Variants in SPOCK3 observed in about 807,000 individuals in gnomAD.
The protein encoded by SPOCK3 is testican-3.
In SPOCK3, 30 loss-of-function variants were observed where a neutral mutation model predicts 56.6. The observed-to-expected ratio is 0.53, with a 90% CI of 0.40 to 0.72. The LOEUF is 0.72. Among genes scored for constraint, SPOCK3 ranks in the 30% least tolerant of loss-of-function variants. SPOCK3 has a pLI of 0.00. For synonymous variants in SPOCK3, 196 were observed against 183.3 expected, an observed-to-expected ratio of 1.07 and a Z score of -0.56; for missense variants, 527 against 530.0, an observed-to-expected ratio of 0.99 and a Z score of 0.06.
At chr4:167,122,857 C>T (rs1761976488) in intron 2 of SPOCK3, among the ~76,000 whole-genome samples, 1 of 151,872 alleles carries the variant, frequency 6.6e-6, no homozygotes. Context: ...ATTTACCCAC[C>T]TTTGCAATCT....
chr4:166,746,321 CTCA>C (rs1452438691), intron 8 of SPOCK3, among the ~76,000 whole-genome samples: 1 of 152,182 alleles, frequency 6.6e-6, no homozygotes, highest in Non-Finnish European at 1.5e-5. Flanking sequence ...CAAATTAGAA[CTCA>C]GGATTAAGAA....
intron 6 of SPOCK3, among the ~76,000 whole-genome samples, chr4:166,826,376 G>A (rs1745483004): frequency 6.6e-6 from 1 of 151,836 alleles, no homozygotes; most frequent in Admixed American, 6.6e-5. Context: ...ATAAAATAAT[G>A]GTGCATCATC....
At chr4:166,754,774 C>T (rs1186824156) in intron 7 of SPOCK3, 45 bp from the exon 8 acceptor site, 4 of 1,596,242 alleles carry the variant, frequency 2.5e-6, no homozygotes, top group Non-Finnish European at 3.4e-6. Context: ...ATGAAAGACA[C>T]CATTAGCAGA....
chr4:167,203,231 T>C (rs1733691637), intron 2 of SPOCK3, among the ~76,000 whole-genome samples: 1 of 152,050 alleles, frequency 6.6e-6, no homozygotes, highest in South Asian at 2.1e-4. Context: ...AAAAATTGTA[T>C]GTATTAGAAA....
At chr4:166,946,412 G>A (rs941580176) in intron 4 of SPOCK3, among the ~76,000 whole-genome samples, 1 of 152,178 alleles carries the variant, frequency 6.6e-6, no homozygotes. Flanking sequence ...CCCAGGCTCA[G>A]CCTGCTCCTG....
At chr4:166,844,050 G>A (rs1016131586) in intron 6 of SPOCK3, among the ~76,000 whole-genome samples, 7 of 152,134 alleles carry the variant, frequency 4.6e-5, no homozygotes, top group Middle Eastern at 3.2e-3. Context: ...AAGCATAAAC[G>A]CAATGTGGGC....
intron 2 of SPOCK3, among the ~76,000 whole-genome samples, chr4:167,155,647 C>G (rs1764752724): frequency 6.6e-6 from 1 of 152,044 alleles, no homozygotes; most frequent in Non-Finnish European, 1.5e-5. Flanking sequence ...TTTGAAATCA[C>G]TGGGCAGAGA....
intron 6 of SPOCK3, among the ~76,000 whole-genome samples, chr4:166,866,291 TA>T (rs1200490652): frequency 6.6e-6 from 1 of 152,118 alleles, no homozygotes; most frequent in African/African-American, 2.4e-5. Flanking sequence ...CAAGATGGAT[TA>T]AAGACTTAAG....
chr4:166,916,022 A>C (rs2127112687), intron 4 of SPOCK3, among the ~76,000 whole-genome samples: 1 of 152,280 alleles, frequency 6.6e-6, no homozygotes, highest in Admixed American at 6.5e-5. Flanking sequence ...TTTTCAAAAA[A>C]ATATTCAATT....
chr4:166,868,810 G>A (rs558291539), intron 6 of SPOCK3, among the ~76,000 whole-genome samples: 43 of 152,034 alleles, frequency 2.8e-4, no homozygotes, highest in African/African-American at 1.0e-3. Flanking sequence ...TTGGAATCAG[G>A]GCCTATTTAA....
At chr4:166,868,356 A>G (rs1009614155) in intron 6 of SPOCK3, among the ~76,000 whole-genome samples, 6 of 151,598 alleles carry the variant, frequency 4.0e-5, no homozygotes, top group African/African-American at 1.5e-4. Context: ...GCTAATCAGG[A>G]GGCTGGGGTG....
chr4:166,937,203 C>A (rs1408160673), intron 4 of SPOCK3, among the ~76,000 whole-genome samples: 1 of 151,648 alleles, frequency 6.6e-6, no homozygotes, highest in African/African-American at 2.4e-5. Flanking sequence ...GCAGCAGAAA[C>A]CATAACTTCA....
At chr4:167,138,463 A>G (rs1763287643) in intron 2 of SPOCK3, among the ~76,000 whole-genome samples, 1 of 151,952 alleles carries the variant, frequency 6.6e-6, no homozygotes, top group African/African-American at 2.4e-5. Context: ...ATGAAAAACA[A>G]TAATTAGATA....
chr4:166,785,410 C>G (rs1740629449), intron 7 of SPOCK3, among the ~76,000 whole-genome samples: 1 of 151,884 alleles, frequency 6.6e-6, no homozygotes, highest in Non-Finnish European at 1.5e-5. Context: ...TTACACTGTC[C>G]AAGATTCAAG....
intron 5 of SPOCK3, among the ~76,000 whole-genome samples, chr4:166,899,757 C>T (rs186010230): frequency 2.8e-4 from 43 of 152,106 alleles, no homozygotes; most frequent in Admixed American, 1.5e-3. Flanking sequence ...CCTCATGACC[C>T]GCCTGCCTCA....
At chr4:166,885,046 A>G (rs1349976800) in intron 6 of SPOCK3, among the ~76,000 whole-genome samples, 2 of 152,052 alleles carry the variant, frequency 1.3e-5, no homozygotes, top group Non-Finnish European at 2.9e-5. Context: ...GGAATTACAA[A>G]CCACAGGTCC....
intron 4 of SPOCK3, among the ~76,000 whole-genome samples, chr4:166,938,182 G>C (rs1198282087): frequency 6.6e-6 from 1 of 151,978 alleles, no homozygotes; most frequent in Non-Finnish European, 1.5e-5. Context: ...GAATGACAGA[G>C]GGAATCCTCT....
At chr4:166,841,944 T>C (rs1481757684) in intron 6 of SPOCK3, among the ~76,000 whole-genome samples, 3 of 152,224 alleles carry the variant, frequency 2.0e-5, no homozygotes, top group African/African-American at 4.8e-5. Flanking sequence ...TTCCTTCTGA[T>C]GTTCGGACAT....
intron 3 of SPOCK3, among the ~76,000 whole-genome samples, chr4:167,058,039 A>G (rs1424388432): frequency 6.6e-6 from 1 of 152,216 alleles, no homozygotes; most frequent in African/African-American, 2.4e-5. Flanking sequence ...ACTTTGAAGT[A>G]AAGCTCTCCT....
Sources: allele counts gnomAD v4.1 joint callset (sites outside exome capture counted in the v4.1 genomes callset), GRCh38; gene constraint gnomAD v4.1.1; transcripts MANE v1.5; gene names NCBI Gene and HGNC (gene_info 2026-07-23, HGNC 2026-07-21).